The following CDH1 variants were observed in gnomAD, a reference collection of about 807,000 sequenced individuals.
The protein encoded by CDH1 is cadherin 1.
Under a neutral mutation model 84.5 loss-of-function variants are expected in CDH1, and 35 were observed. The ratio of observed to expected loss-of-function variants is 0.41; its 90% CI spans 0.32 to 0.55. The LOEUF is 0.55. Among genes scored for constraint, CDH1 ranks in the 20% least tolerant of loss-of-function variants. The pLI is 0.19. For missense variants in CDH1, 994 were observed against 1,126.6 expected (o/e 0.88, Z 1.68); for synonymous variants, 417 against 439.0 (o/e 0.95, Z 0.63).
intron 2 of CDH1, among the ~76,000 whole-genome samples, chr16:68,795,342 T>C (rs1960328961): frequency 6.6e-6 from 1 of 152,190 alleles, no homozygotes. Flanking sequence ...TTTCTTTTTT[T>C]TTATTTTTAT....
intron 2 of CDH1, among the ~76,000 whole-genome samples, chr16:68,743,344 T>C (rs1292563435): frequency 1.2e-4 from 6 of 48,812 alleles, no homozygotes; most frequent in South Asian, 6.5e-4. Flanking sequence ...TCTTTCTTTC[T>C]TTCTTTCTTT....
intron 2 of CDH1, among the ~76,000 whole-genome samples, chr16:68,749,217 T>G (rs1323542876): frequency 2.6e-5 from 4 of 152,200 alleles, no homozygotes. Flanking sequence ...GCTTCCAGAA[T>G]GTTCCTTTGG....
chr16:68,767,458 A>G (rs1407647899), intron 2 of CDH1, among the ~76,000 whole-genome samples: 1 of 152,136 alleles, frequency 6.6e-6, no homozygotes, highest in Non-Finnish European at 1.5e-5. Flanking sequence ...TCAGCCTCCC[A>G]AAGTGCTGGG....
intron 2 of CDH1, among the ~76,000 whole-genome samples, chr16:68,792,853 G>C (rs547038424): frequency 4.6e-5 from 7 of 152,274 alleles, no homozygotes; most frequent in Admixed American, 2.0e-4. Flanking sequence ...GCTTTGATGG[G>C]GACAGAAGCC....
At chr16:68,781,144 T>G (rs2152121984) in intron 2 of CDH1, among the ~76,000 whole-genome samples, 1 of 152,338 alleles carries the variant, frequency 6.6e-6, no homozygotes, top group African/African-American at 2.4e-5. Context: ...AGCTGTGCTT[T>G]GTATTTTGTA....
intron 9 of CDH1, 62 bp downstream of exon 9, chr16:68,813,557 C>G (rs2152133818): frequency 2.0e-6 from 3 of 1,492,928 alleles, no homozygotes; most frequent in Non-Finnish European, 2.8e-6. Flanking sequence ...ATACCCTTGT[C>G]CCCTGGTATC....
chr16:68,749,750 C>G (rs1208700412), intron 2 of CDH1, among the ~76,000 whole-genome samples: 1 of 152,174 alleles, frequency 6.6e-6, no homozygotes, highest in Non-Finnish European at 1.5e-5. Context: ...GCAGGCCAGG[C>G]CTTTCTCCTT....
At chr16:68,789,283 A>G (rs1216284003) in intron 2 of CDH1, among the ~76,000 whole-genome samples, 4 of 151,970 alleles carry the variant, frequency 2.6e-5, no homozygotes, top group Non-Finnish European at 4.4e-5. Flanking sequence ...CGCCCACTTC[A>G]GCCTCCCCAA....
intron 14 of CDH1, 66 bp from the exon 15 acceptor site, chr16:68,829,588 A>T (rs1961421073): frequency 1.3e-6 from 2 of 1,484,512 alleles, no homozygotes; most frequent in Non-Finnish European, 1.9e-6. Flanking sequence ...TAAACTGAAC[A>T]TAGCCCTGTG....
intron 2 of CDH1, among the ~76,000 whole-genome samples, chr16:68,762,889 G>A (rs1353732821): frequency 2.7e-5 from 3 of 111,256 alleles, no homozygotes; most frequent in African/African-American, 7.1e-5. Flanking sequence ...CTCCAGCCTC[G>A]GCAACAGAGC....
intron 2 of CDH1, among the ~76,000 whole-genome samples, chr16:68,789,223 C>A (rs976154381): frequency 1.3e-5 from 2 of 151,986 alleles, no homozygotes; most frequent in African/African-American, 4.8e-5. Flanking sequence ...GAGATGGGCT[C>A]TCCCCATGTT....
intron 3 of CDH1, among the ~76,000 whole-genome samples, chr16:68,806,009 A>T (rs1458962545): frequency 6.6e-6 from 1 of 152,088 alleles, no homozygotes; most frequent in Non-Finnish European, 1.5e-5. Flanking sequence ...GTGCAGTGAC[A>T]CAATCTCGGC....
chr16:68,801,666 G>A lies in CDH1; in HGVS notation c.164-4G>A, dbSNP rs780375749. 6.2e-7 allele frequency: 1 copy of A among 1,610,346 alleles called. No homozygotes were observed. Among genetic ancestry groups the A allele is most frequent in the Non-Finnish European group, 8.5e-7 (1 of 1,176,550 alleles). ...TCCTAATCTCTGTGATTTCTGCCCT[G>A]CAGTGAATTTTGAAGATTGCACCGG... is the stretch of plus-strand genomic sequence containing the variant. On this transcript the variant is annotated splice_polypyrimidine_tract_variant and splice_region_variant and intron_variant, in intron 2 of 15. Coordinates refer to ENST00000261769, the MANE Select transcript of CDH1 (RefSeq NM_004360.5).
In CDH1 at chr16:68,820,355, T is replaced by A. The variant is rs929160811; in HGVS notation, c.1711+930T>A. Among the ~76,000 whole-genome samples the A allele has an allele frequency of 2.3e-4, 35 of 150,764 alleles. No homozygotes were observed. The East Asian group carries it at 6.8e-3, about 29-fold the overall frequency. On this transcript the variant is annotated intron_variant, in intron 11 of 15. Transcript: ENST00000261769. ...GTGACCTTGGATTTGCTGTTTAATT[T>A]TTTTTTTTTTTTTGAGACAGAGTCT...
chr16:68,802,620 G>A (rs1287481880), intron 3 of CDH1, among the ~76,000 whole-genome samples: 2 of 152,004 alleles, frequency 1.3e-5, no homozygotes, highest in African/African-American at 2.4e-5. Context: ...ACAGGCGCCC[G>A]CCACCATACC....
intron 10 of CDH1, among the ~76,000 whole-genome samples, chr16:68,816,806 A>G (rs768674184): frequency 6.6e-6 from 1 of 152,208 alleles, no homozygotes; most frequent in Non-Finnish European, 1.5e-5. Flanking sequence ...ACTCCTCATA[A>G]TCTAGAGATA....
At chr16:68,783,280 C>T (rs971457846) in intron 2 of CDH1, among the ~76,000 whole-genome samples, 2 of 151,326 alleles carry the variant, frequency 1.3e-5, no homozygotes, top group Admixed American at 1.3e-4. Context: ...GCCTGTAATC[C>T]CAGCTACTCA....
chr16:68,817,902 A>G (rs1961022676), intron 10 of CDH1, among the ~76,000 whole-genome samples: 1 of 152,170 alleles, frequency 6.6e-6, no homozygotes, highest in African/African-American at 2.4e-5. Flanking sequence ...AATATGCACC[A>G]TATATTCGAC....
intron 2 of CDH1, among the ~76,000 whole-genome samples, chr16:68,746,484 C>T (rs1962749015): frequency 6.6e-6 from 1 of 152,096 alleles, no homozygotes; most frequent in African/African-American, 2.4e-5. Flanking sequence ...AATGCATTTC[C>T]CTGGACAATC....
Sources: gnomAD v4.1 joint callset for allele counts (sites outside exome capture counted in the v4.1 genomes callset) on GRCh38, gnomAD v4.1.1 for gene constraint, MANE v1.5 for transcripts, NCBI Gene and HGNC (gene_info 2026-07-23, HGNC 2026-07-21) for gene names.